Variants in CFAP46 observed in about 807,000 individuals in gnomAD.
The protein encoded by CFAP46 is cilia and flagella associated protein 46, also known as cilia- and flagella-associated protein 46.
In CFAP46, 245 loss-of-function variants were observed where a neutral mutation model predicts 325.7. The observed-to-expected ratio is 0.75, with a 90% CI of 0.68 to 0.84. The LOEUF is 0.84. Among genes scored for constraint, CFAP46 ranks in the 40% least tolerant of loss-of-function variants. The pLI, the probability that CFAP46 is intolerant of heterozygous loss-of-function variation, is 0.00. For synonymous variants in CFAP46, 1,523 were observed against 1,495.9 expected (o/e 1.02, Z -0.42); for missense variants, 3,346 against 3,543.0 (o/e 0.94, Z 1.41).
Position 132,884,231 on chromosome 10 carries a change from C to A in CFAP46, c.3627+872G>T, listed in dbSNP as rs564821770. On this transcript the variant is annotated intron_variant, in intron 27 of 57. Coordinates refer to ENST00000368586, the MANE Select transcript of CFAP46 (RefSeq NM_001200049.3). The surrounding 1 kb of genome is among the most constrained non-coding windows in gnomAD (Gnocchi z 5.4). ...GAGGAACGACGTGGCCTCTGGTTCC[C>A]CGGAGCGAGGAGCAGTGGCTCCCTG... 6.6e-6 allele frequency among the ~76,000 whole-genome samples: 1 copy of A among 152,262 alleles called. No individual in the cohort carries two copies. The highest frequency in any genetic ancestry group is 2.1e-4 in the South Asian group (1 of 4,830).
intron 41 of CFAP46, among the ~76,000 whole-genome samples, chr10:132,849,599 G>A (rs1443116148): frequency 6.6e-6 from 1 of 152,192 alleles, no homozygotes; most frequent in African/African-American, 2.4e-5. Context: ...TGAGGGAGCA[G>A]GTCACTCCTG....
Position 132,919,015 on chromosome 10 carries a change from G to A in CFAP46, c.1858+300C>T, listed in dbSNP as rs1198656391. On this transcript the variant is annotated intron_variant, in intron 15 of 57. Transcript: ENST00000368586. This position sits in a 1 kb window ranked among gnomAD's most constrained non-coding sequence, Gnocchi z 9.7. ...TGGCCACTGCCCTCTGCCTGCAGGT[G>A]CCCCGCATGGGCATCTGCTCACTGG... 6.6e-6 allele frequency among the ~76,000 whole-genome samples: 1 copy of A among 152,144 alleles called. No individual in the cohort carries two copies. The highest frequency in any genetic ancestry group is 1.9e-4 in the East Asian group (1 of 5,176).
At chr10:132,874,716 G>A (rs4880456) in intron 31 of CFAP46, among the ~76,000 whole-genome samples, 125,242 of 125,262 alleles carry the variant, frequency 1, 62,611 homozygotes, top group Middle Eastern at 1. Flanking sequence ...GATGGAGAAA[G>A]ATATAAAAGC....
Position 132,808,498 on chromosome 10 carries a change from C to T in CFAP46, c.8071G>A (p.Gly2691Ser), listed in dbSNP as rs199903602. 244 of 1,613,224 alleles carry T rather than the reference C, an allele frequency of 1.5e-4. No homozygotes were observed. The highest frequency in any genetic ancestry group is 2.2e-4 in the Admixed American group (13 of 60,030). The change falls in exon 58 of 58, where the codon GGC becomes AGC. Residue 2691 changes from glycine to serine, a missense_variant. By Grantham distance (56) the Gly-to-Ser change is moderately conservative. Coordinates refer to ENST00000368586, the MANE Select transcript of CFAP46 (RefSeq NM_001200049.3). The surrounding 1 kb of genome is among the most constrained non-coding windows in gnomAD (Gnocchi z 6.8). ...CVSSRGQDKG[G>S]LPLAALVLSC... ...AGCACCAGCGCCGCCAAGGGGAGGC[C>T]GCCCTTGTCCTGGCCCCGGGAAGAG...
chr10:132,931,077 C>A (rs1435574980), intron 8 of CFAP46, among the ~76,000 whole-genome samples: 1 of 95,536 alleles, frequency 1.0e-5, no homozygotes, highest in Non-Finnish European at 2.1e-5. Flanking sequence ...CTCCTCTCCA[C>A]ACAGAGCCTG....
chr10:132,922,001 G>A (rs919068974), intron 13 of CFAP46, 103 bp downstream of exon 13: 2 of 1,373,826 alleles, frequency 1.5e-6, no homozygotes, highest in Admixed American at 5.3e-5. Flanking sequence ...TGCATCCAGG[G>A]GGCGGTGGCA....
intron 17 of CFAP46, among the ~76,000 whole-genome samples, chr10:132,915,238 A>G (rs992210862): frequency 1.3e-5 from 2 of 152,234 alleles, no homozygotes; most frequent in Non-Finnish European, 2.9e-5. Flanking sequence ...GAGCAGGCCC[A>G]CCAGGAGTGC....
At chr10:132,825,284 CTGA>C (rs1327753322) in intron 50 of CFAP46, among the ~76,000 whole-genome samples, 20 of 145,942 alleles carry the variant, frequency 1.4e-4, no homozygotes, top group South Asian at 2.2e-4. Context: ...TGTGTGTGTG[CTGA>C]TGTGTGCTGT....
chr10:132,833,620 TG>T, intron 49 of CFAP46, 95 bp from the exon 50 acceptor site: 1 of 1,367,948 alleles, frequency 7.3e-7, no homozygotes, highest in East Asian at 2.3e-5. Context: ...TGCTGGGCGC[TG>T]GGAAAGGCTG....
intron 44 of CFAP46, among the ~76,000 whole-genome samples, chr10:132,838,566 G>A (rs1252487002): frequency 1.3e-5 from 2 of 152,290 alleles, no homozygotes; most frequent in Non-Finnish European, 2.9e-5. Flanking sequence ...CAGGTGGAGC[G>A]TGGGGCTGGC....
intron 44 of CFAP46, among the ~76,000 whole-genome samples, chr10:132,841,626 C>T (rs2086821122): frequency 6.6e-6 from 1 of 152,016 alleles, no homozygotes; most frequent in African/African-American, 2.4e-5. Flanking sequence ...CAATGGCATC[C>T]TTTGAAATCT....
intron 22 of CFAP46, among the ~76,000 whole-genome samples, chr10:132,908,104 C>A (rs1849482955): frequency 6.6e-6 from 1 of 152,268 alleles, no homozygotes; most frequent in African/African-American, 2.4e-5. Flanking sequence ...TCCTTCCTGA[C>A]CAGCTTTCCA....
chr10:132,848,463 T>C lies in CFAP46; in HGVS notation c.5953-1142A>G, dbSNP rs117345640. ...GGGAGGGCAGCAGAGAAGCCTTCGT[T>C]CTCCAGGTCATCAGCCGGCTGCCAG... On this transcript the variant is annotated intron_variant, in intron 41 of 57. Coordinates refer to ENST00000368586, the MANE Select transcript of CFAP46 (RefSeq NM_001200049.3). Among the ~76,000 whole-genome samples, 1,234 of 151,104 alleles carry C rather than the reference T, an allele frequency of 8.2e-3. 7 individuals carry two copies. Among genetic ancestry groups the C allele is most frequent in the South Asian group, 0.015 (71 of 4,796 alleles).
chr10:132,836,681 G>C, intron 45 of CFAP46, 136 bp downstream of exon 45: 1 of 749,894 alleles, frequency 1.3e-6, no homozygotes, highest in Non-Finnish European at 2.3e-6. Context: ...ACCTTCTTGG[G>C]ACTGTCCGGG....
In CFAP46 at chr10:132,876,052, C is replaced by T. The variant is rs1224500546; in HGVS notation, c.4362+760G>A. 6.6e-6 allele frequency among the ~76,000 whole-genome samples: 1 copy of T among 152,234 alleles called. No individual in the cohort carries two copies. Among genetic ancestry groups the T allele is most frequent in the Non-Finnish European group, 1.5e-5 (1 of 68,044 alleles). On this transcript the variant is annotated intron_variant, in intron 31 of 57. Coordinates refer to ENST00000368586, the MANE Select transcript of CFAP46 (RefSeq NM_001200049.3). The surrounding 1 kb of genome is among the most constrained non-coding windows in gnomAD (Gnocchi z 4.1). ...AGAAAGCTTAATTAAATATGGGCGACAGCCTGGAGGGCACATCACAAAAGA... is the reference window on the plus strand; with the variant it reads ...AGAAAGCTTAATTAAATATGGGCGATAGCCTGGAGGGCACATCACAAAAGA...
intron 38 of CFAP46, among the ~76,000 whole-genome samples, 198 bp downstream of exon 38, chr10:132,858,873 T>C (rs1848685303): frequency 6.6e-6 from 1 of 151,662 alleles, no homozygotes; most frequent in African/African-American, 2.4e-5. Flanking sequence ...CAACGGGGGC[T>C]CCCCCGACGG....
chr10:132,883,874 A>C (rs1173308962), intron 27 of CFAP46, among the ~76,000 whole-genome samples: 1 of 152,208 alleles, frequency 6.6e-6, no homozygotes, highest in African/African-American at 2.4e-5. Context: ...GCTGGGGCCA[A>C]TGGAGGGAGA....
intron 50 of CFAP46, among the ~76,000 whole-genome samples, chr10:132,820,541 ATGTGTGCTG>A (rs1469487251): frequency 1.5e-5 from 2 of 136,550 alleles, no homozygotes; most frequent in Non-Finnish European, 3.1e-5. Context: ...GTGTGCACTG[ATGTGTGCTG>A]TGTGTGCTGA....
At chr10:132,879,061 G>C (rs534315347) in intron 29 of CFAP46, among the ~76,000 whole-genome samples, 50 of 152,336 alleles carry the variant, frequency 3.3e-4, no homozygotes, top group Non-Finnish European at 5.4e-4. Context: ...GCCTTGGTGT[G>C]GCGAGCCAGG....
Sources: allele counts gnomAD v4.1 joint callset (sites outside exome capture counted in the v4.1 genomes callset), GRCh38; gene constraint gnomAD v4.1.1; non-coding constraint Gnocchi (gnomAD v3.1); transcripts MANE v1.5; gene names NCBI Gene and HGNC (gene_info 2026-07-23, HGNC 2026-07-21).